Variants in ERVH48-1 observed in about 807,000 individuals in gnomAD.
ERVH48-1 encodes the protein suppressyn.
ERVH48-1 carries 4 observed loss-of-function variants against 2.4 expected under a neutral mutation model. That is an observed-to-expected ratio of 1.68 (90% CI 0.83 to 3.84). ERVH48-1 has a LOEUF of 3.84. ERVH48-1 is among the 30% of genes most tolerant of loss of function. ERVH48-1 has a pLI of 0.01. For missense variants in ERVH48-1, 97 were observed against 43.4 expected, an observed-to-expected ratio of 2.23 and a Z score of -3.47; for synonymous variants, 32 against 15.5, an observed-to-expected ratio of 2.06 and a Z score of -2.49.
chr21:42,921,148 G>A (rs80147563), intron 1 of ERVH48-1, among the ~76,000 whole-genome samples: 8,550 of 152,096 alleles, frequency 0.056, 351 homozygotes, highest in Non-Finnish European at 0.088. Flanking sequence ...CTTAGACTGG[G>A]TTAGAACACG....
In ERVH48-1 at chr21:42,918,197, C is replaced by G; in HGVS notation, c.*327G>C. On this transcript the variant is annotated 3_prime_UTR_variant, in exon 2 of 2. Transcript: ENST00000447535. Reference sequence around the variant, plus strand: ...GGGGGTAACCTTGGCCACCACTCAGCTATGGAGGCATTGACTGTTAGGGTT... The same window carrying G: ...GGGGGTAACCTTGGCCACCACTCAGGTATGGAGGCATTGACTGTTAGGGTT... 3.5e-6 allele frequency: 1 copy of G among 286,430 alleles called. No individual in the cohort carries two copies. The highest frequency in any genetic ancestry group is 5.0e-5 in the Admixed American group (1 of 20,092). The allele number at this position is 286,430 out of a possible 1,614,324, so 17.7% of individuals were successfully genotyped here. A position where few individuals can be genotyped will look rare whatever the true frequency, so the allele number is the denominator to read the frequency against.
Position 42,925,503 on chromosome 21 carries a change from C to A in ERVH48-1, c.-443G>T, listed in dbSNP as rs926762753. On this transcript the variant is annotated 5_prime_UTR_variant, in exon 1 of 2. Transcript: ENST00000447535. ...AGCCCCTCGCAGGTTTCAGGGCCAGCCCCAAGGCTCTTGCATTGGTTGGAA... is the reference window on the plus strand; with the variant it reads ...AGCCCCTCGCAGGTTTCAGGGCCAGACCCAAGGCTCTTGCATTGGTTGGAA... 1.5e-5 allele frequency: 5 copies of A among 328,022 alleles called. No homozygotes were observed. Among genetic ancestry groups the A allele is most frequent in the Non-Finnish European group, 2.9e-5 (5 of 174,420 alleles). 20.3% of individuals were successfully genotyped at this position (328,022 alleles called of 1,614,324 possible).
chr21:42,921,358 A>T (rs1168965904), intron 1 of ERVH48-1, among the ~76,000 whole-genome samples: 1 of 151,958 alleles, frequency 6.6e-6, no homozygotes, highest in Admixed American at 6.6e-5. Context: ...GAAGGAGGGA[A>T]CCCAGAGCCT....
At chr21:42,925,227 G>A in intron 1 of ERVH48-1, 119 bp downstream of exon 1, 1 of 250,136 alleles carries the variant, frequency 4.0e-6, no homozygotes, top group Non-Finnish European at 7.7e-6. Context: ...TTACGGGCGT[G>A]AACCACCACG....
At position 42,917,401 on chromosome 21, in the gene ERVH48-1, C is replaced by G. The variant is rs2058792168; in HGVS notation, c.*1123G>C. 1 of 152,068 alleles carries G rather than the reference C, an allele frequency of 6.6e-6. No homozygotes were observed. The highest frequency in any genetic ancestry group is 1.5e-5 in the Non-Finnish European group (1 of 67,980). The allele number at this position is 152,068 out of a possible 1,614,324, so 9.4% of individuals were successfully genotyped here. ...GTCCCCACCAGCATTTTAAATCCTC[C>G]TAAATTAGAGAACCACCCTCCTAGA... On this transcript the variant is annotated 3_prime_UTR_variant, in exon 2 of 2. Coordinates refer to ENST00000447535, the MANE Select transcript of ERVH48-1 (RefSeq NM_001308491.2).
rs1380762660 is a variant in ERVH48-1, at chr21:42,917,636, T to G, written c.*888A>C. 1 of 152,184 alleles carries G rather than the reference T, an allele frequency of 6.6e-6. No homozygotes were observed. Among genetic ancestry groups the G allele is most frequent in the Non-Finnish European group, 1.5e-5 (1 of 68,040 alleles). The allele number at this position is 152,184 out of a possible 1,614,324, so 9.4% of individuals were successfully genotyped here. On this transcript the variant is annotated 3_prime_UTR_variant, in exon 2 of 2. Transcript: ENST00000447535. Reference sequence around the variant, plus strand: ...GATAAATTGCCGCGCGCATTTGGTTTTGTTGTTGCGCGAGCATTTCTAGGG... The same window carrying G: ...GATAAATTGCCGCGCGCATTTGGTTGTGTTGTTGCGCGAGCATTTCTAGGG...
At chr21:42,920,206 A>G (rs1601233913) in intron 1 of ERVH48-1, among the ~76,000 whole-genome samples, 1 of 152,288 alleles carries the variant, frequency 6.6e-6, no homozygotes, top group Admixed American at 6.5e-5. Flanking sequence ...CTTCCTTGAC[A>G]TACCGTGGTC....
chr21:42,918,368 TGTAA>T lies in ERVH48-1; in HGVS notation c.*152_*155del, dbSNP rs1297711343. 2 of 360,824 alleles carry T rather than the reference TGTAA, an allele frequency of 5.5e-6. No individual in the cohort carries two copies. Among genetic ancestry groups the T allele is most frequent in the African/African-American group, 4.3e-5 (2 of 46,884 alleles). The allele number at this position is 360,824 out of a possible 1,614,324, so 22.4% of individuals were successfully genotyped here. The stretch of plus-strand genomic sequence containing the variant: ...AGTGAGTCTGGGGTTTTGGGATGCC[TGTAA>T]GTAAGGGGGAATGTCTATCCCGTCC... On this transcript the variant is annotated 3_prime_UTR_variant, in exon 2 of 2. Transcript: ENST00000447535.
In ERVH48-1 at chr21:42,925,353, C is replaced by T. The variant is rs984896723; in HGVS notation, c.-293G>A. 39 of 445,250 alleles carry T rather than the reference C, an allele frequency of 8.8e-5. No homozygotes were observed. Among genetic ancestry groups the T allele is most frequent in the African/African-American group, 5.3e-4 (25 of 47,188 alleles). 27.6% of individuals were successfully genotyped at this position (445,250 alleles called of 1,614,324 possible). A position where few individuals can be genotyped will look rare whatever the true frequency, so the allele number is the denominator to read the frequency against. ...GGCTCCCAGGAAACTTACCAGTAGGCGAGATCAGTGACCGATGTGCATGCA... is the reference window on the plus strand; with the variant it reads ...GGCTCCCAGGAAACTTACCAGTAGGTGAGATCAGTGACCGATGTGCATGCA... On this transcript the variant is annotated 5_prime_UTR_variant, in exon 1 of 2. Transcript: ENST00000447535.
At chr21:42,920,016 G>A (rs533226811) in intron 1 of ERVH48-1, among the ~76,000 whole-genome samples, 12 of 151,490 alleles carry the variant, frequency 7.9e-5, no homozygotes, top group South Asian at 2.1e-4. Flanking sequence ...TCTCGAACAC[G>A]GCTGGAAAGA....
intron 1 of ERVH48-1, among the ~76,000 whole-genome samples, chr21:42,924,181 G>A (rs1487639502): frequency 2.0e-5 from 3 of 152,156 alleles, no homozygotes; most frequent in Non-Finnish European, 2.9e-5. Flanking sequence ...GAAGGTGGCG[G>A]GGTGGGTTTA....
intron 1 of ERVH48-1, among the ~76,000 whole-genome samples, chr21:42,921,597 T>C (rs1445639554): frequency 6.6e-6 from 1 of 151,978 alleles, no homozygotes; most frequent in Non-Finnish European, 1.5e-5. Context: ...ATTGCAGTCT[T>C]TTTGAGAGGG....
At position 42,923,285 on chromosome 21, in the gene ERVH48-1, G is replaced by A. The variant is rs189979758; in HGVS notation, c.-286+2061C>T. Among the ~76,000 whole-genome samples, 641 of 152,362 alleles carry A rather than the reference G, an allele frequency of 4.2e-3. 3 individuals carry two copies. The highest frequency in any genetic ancestry group is 5.6e-3 in the Non-Finnish European group (381 of 68,038). ...GCCCCGTGGGCCTGCAGGGCCTCCC[G>A]ATGGCGGAGGCAAGCATTCGAAACT... On this transcript the variant is annotated intron_variant, in intron 1 of 1. Transcript: ENST00000447535.
intron 1 of ERVH48-1, among the ~76,000 whole-genome samples, chr21:42,922,022 T>C (rs1209824140): frequency 2.6e-5 from 4 of 152,158 alleles, no homozygotes; most frequent in Non-Finnish European, 5.9e-5. Context: ...GTAAGTTCCA[T>C]CTGGCTTTTT....
At chr21:42,924,391 C>T (rs1451694641) in intron 1 of ERVH48-1, among the ~76,000 whole-genome samples, 2 of 151,944 alleles carry the variant, frequency 1.3e-5, no homozygotes, top group African/African-American at 4.8e-5. Flanking sequence ...CAGCAGTTGG[C>T]TGGATCCAAC....
chr21:42,924,556 G>T (rs1225308428), intron 1 of ERVH48-1, among the ~76,000 whole-genome samples: 4 of 152,164 alleles, frequency 2.6e-5, no homozygotes, highest in African/African-American at 9.7e-5. Flanking sequence ...TTTTCCAGCC[G>T]TCAGCAATAA....
chr21:42,919,496 C>T (rs1418610842), intron 1 of ERVH48-1, among the ~76,000 whole-genome samples: 1 of 152,066 alleles, frequency 6.6e-6, no homozygotes, highest in African/African-American at 2.4e-5. Context: ...AAAAAGGCTG[C>T]CTTTGGTGTT....
At chr21:42,924,694 G>A (rs1040603265) in intron 1 of ERVH48-1, among the ~76,000 whole-genome samples, 3 of 152,152 alleles carry the variant, frequency 2.0e-5, no homozygotes, top group African/African-American at 2.4e-5. Flanking sequence ...GGGATATCTC[G>A]CCTGAGGTCT....
At position 42,918,388 on chromosome 21, in the gene ERVH48-1, T is replaced by G. The variant is rs1601232955; in HGVS notation, c.*136A>C. 2 of 365,992 alleles carry G rather than the reference T, an allele frequency of 5.5e-6. No homozygotes were observed. Among genetic ancestry groups the G allele is most frequent in the East Asian group, 1.4e-4 (2 of 13,800 alleles). The allele number at this position is 365,992 out of a possible 1,614,324, so 22.7% of individuals were successfully genotyped here. ...ATGCCTGTAAGTAAGGGGGAATGTC[T>G]ATCCCGTCCCACAGCCACTGTTCAC... is the stretch of plus-strand genomic sequence containing the variant. On this transcript the variant is annotated 3_prime_UTR_variant, in exon 2 of 2. Transcript: ENST00000447535.
Sources: gnomAD v4.1 joint callset for allele counts (sites outside exome capture counted in the v4.1 genomes callset) on GRCh38, gnomAD v4.1.1 for gene constraint, MANE v1.5 for transcripts, NCBI Gene and HGNC (gene_info 2026-07-23, HGNC 2026-07-21) for gene names.